The following APOOL variants were observed in gnomAD, a reference collection of about 807,000 sequenced individuals.
The protein encoded by APOOL is apolipoprotein O like, also known as MICOS complex subunit MIC27.
APOOL carries 12 observed loss-of-function variants against 23.1 expected under a neutral mutation model. The observed-to-expected ratio is 0.52, with a 90% CI of 0.33 to 0.84. APOOL has a LOEUF of 0.84. Ranked by LOEUF, APOOL falls within the 40% of genes least tolerant of loss-of-function variation. APOOL has a pLI of 0.02. For missense variants in APOOL, 212 were observed against 199.6 expected (o/e 1.06, Z -0.37); for synonymous variants, 77 against 69.9 (o/e 1.10, Z -0.51).
rs1365383521 is a variant in APOOL, at chrX:85,092,179, GATT to G, written c.*4504_*4506del. 5 of 341,514 alleles carry G rather than the reference GATT, an allele frequency of 1.5e-5. No individual in the cohort carries two copies. Among genetic ancestry groups the G allele is most frequent in the Non-Finnish European group, 2.5e-5 (5 of 199,375 alleles). The allele number at this position is 341,514 out of a possible 1,213,427, so 28.1% of individuals were successfully genotyped here. ...GACTTTTAAATTATCTGCTCTTTTGGATTATCACTACTGCTACTAGCCGTTAGA... is the reference window on the plus strand; with the variant it reads ...GACTTTTAAATTATCTGCTCTTTTGGATCACTACTGCTACTAGCCGTTAGA... On this transcript the variant is annotated 3_prime_UTR_variant, in exon 9 of 9. Transcript: ENST00000373173.
intron 6 of APOOL, among the ~76,000 whole-genome samples, chrX:85,070,590 G>C (rs1923630018): frequency 1.8e-5 from 2 of 111,444 alleles, no homozygotes; most frequent in African/African-American, 6.5e-5. Flanking sequence ...AATAAAGATT[G>C]AATATATTCA....
intron 1 of APOOL, among the ~76,000 whole-genome samples, chrX:85,006,524 G>C (rs771200535): frequency 9.3e-6 from 1 of 108,029 alleles, no homozygotes; most frequent in Non-Finnish European, 1.9e-5. Context: ...CTTGGAATGA[G>C]GGTAGCAAAT....
At chrX:85,036,561 G>A (rs1922223868) in intron 1 of APOOL, among the ~76,000 whole-genome samples, 1 of 111,693 alleles carries the variant, frequency 9.0e-6, no homozygotes, top group Admixed American at 9.5e-5. Flanking sequence ...CAAAGGGAAT[G>A]CTTCCAGATT....
intron 3 of APOOL, among the ~76,000 whole-genome samples, chrX:85,052,863 G>T (rs1266681076): frequency 3.6e-5 from 4 of 111,621 alleles, no homozygotes; most frequent in African/African-American, 6.5e-5. Context: ...TTTTTCTTCA[G>T]TGAGATAAAA....
At chrX:85,004,384 A>C (rs951643215) in intron 1 of APOOL, among the ~76,000 whole-genome samples, 1 of 112,224 alleles carries the variant, frequency 8.9e-6, no homozygotes, top group African/African-American at 3.2e-5. Context: ...ATAGTCTTTC[A>C]GCAGTGCGCT....
At chrX:85,032,682 T>C (rs1367690252) in intron 1 of APOOL, among the ~76,000 whole-genome samples, 1 of 111,876 alleles carries the variant, frequency 8.9e-6, no homozygotes, top group Non-Finnish European at 1.9e-5. Flanking sequence ...GAATGATTAA[T>C]ATGTTCAGAA....
At chrX:85,046,373 T>C in intron 1 of APOOL, 73 bp from the exon 2 acceptor site, 5 of 846,770 alleles carry the variant, frequency 5.9e-6, no homozygotes, top group Middle Eastern at 2.8e-4. Flanking sequence ...CTGAGATTCC[T>C]CCAGTATTTA....
intron 5 of APOOL, among the ~76,000 whole-genome samples, chrX:85,062,020 A>G (rs987189841): frequency 9.1e-6 from 1 of 109,973 alleles, no homozygotes; most frequent in Non-Finnish European, 1.9e-5. Flanking sequence ...GGCATTTAGT[A>G]CTATAAATTT....
At chrX:85,078,371 G>C (rs761726736) in intron 8 of APOOL, among the ~76,000 whole-genome samples, 9 of 111,176 alleles carry the variant, frequency 8.1e-5, no homozygotes, top group African/African-American at 2.3e-4. Context: ...TCTTGTTTTT[G>C]TCAGGTTTGT....
At chrX:85,055,385 C>G (rs1370940957) in intron 4 of APOOL, among the ~76,000 whole-genome samples, 2 of 111,437 alleles carry the variant, frequency 1.8e-5, no homozygotes, top group East Asian at 5.6e-4. Context: ...GGTCTAGTAG[C>G]TGTGTATATC....
At chrX:85,070,502 A>T (rs773031088) in intron 6 of APOOL, among the ~76,000 whole-genome samples, 1 of 111,954 alleles carries the variant, frequency 8.9e-6, no homozygotes, top group Non-Finnish European at 1.9e-5. Flanking sequence ...ATAATGTTTT[A>T]ACGCCTGTTT....
At position 85,074,015 on chromosome X, in the gene APOOL, A is replaced by G; in HGVS notation, c.504A>G (p.Val168=). The G allele has an allele frequency of 8.6e-6, 10 of 1,162,005 alleles. No individual in the cohort carries two copies. Among genetic ancestry groups the G allele is most frequent in the Non-Finnish European group, 9.2e-6 (8 of 870,669 alleles). The change falls in exon 7 of 9, where the codon GTA becomes GTG. Residue 168 remains valine, a synonymous_variant. Transcript: ENST00000373173. ...VIIAKVTAKK[V]YATSQQIFGA... is the part of the protein sequence containing the mutation. ...TTAATTAGGTAACAGCAAAAAAGGT[A>G]TATGCTACAAGCCAGCAAATTTTTG...
chrX:85,067,905 C>T (rs912207755), intron 6 of APOOL, among the ~76,000 whole-genome samples: 1 of 110,931 alleles, frequency 9.0e-6, no homozygotes, highest in East Asian at 2.8e-4. Context: ...TAGCATTTCC[C>T]CCTCATGCTT....
At chrX:85,060,563 G>T (rs1318576656) in intron 5 of APOOL, among the ~76,000 whole-genome samples, 2 of 110,437 alleles carry the variant, frequency 1.8e-5, no homozygotes, top group Non-Finnish European at 3.8e-5. Flanking sequence ...ATTGAGCAGT[G>T]GTTTGTAGTT....
In APOOL at chrX:85,005,780, A is replaced by C. The variant is rs1299618415; in HGVS notation, c.15+1853A>C. On this transcript the variant is annotated intron_variant, in intron 1 of 8. Transcript: ENST00000373173. ...AGAGTAAGGGGAGTTTCTTACCTGAAGAGAAGTACAAAGTGCTCTGACGCT... is the reference window on the plus strand; with the variant it reads ...AGAGTAAGGGGAGTTTCTTACCTGACGAGAAGTACAAAGTGCTCTGACGCT... Among the ~76,000 whole-genome samples the C allele has an allele frequency of 3.6e-5, 4 of 111,723 alleles. No individual in the cohort carries two copies. In the East Asian group the frequency reaches 1.1e-3, roughly 32 times the overall value.
At chrX:85,059,839 T>G (rs374891249) in intron 5 of APOOL, among the ~76,000 whole-genome samples, 1 of 110,340 alleles carries the variant, frequency 9.1e-6, no homozygotes, top group Non-Finnish European at 1.9e-5. Context: ...CCTGTTCACT[T>G]TGATGGTAGT....
chrX:85,008,535 T>TTGTTTGTGTGTGTGTGTG (rs1921156681), intron 1 of APOOL, among the ~76,000 whole-genome samples: 1 of 86,134 alleles, frequency 1.2e-5, no homozygotes, highest in Non-Finnish European at 2.2e-5. Flanking sequence ...TGATAACCCG[T>TTGTTTGTGTGTGTGTGTG]TGTGTGTGTG....
At chrX:85,022,888 A>G (rs1173445649) in intron 1 of APOOL, among the ~76,000 whole-genome samples, 1 of 111,689 alleles carries the variant, frequency 9.0e-6, no homozygotes, top group Non-Finnish European at 1.9e-5. Flanking sequence ...CTCATGGTAG[A>G]TGTTTGGGTC....
chrX:85,065,109 A>C (rs779711277), intron 5 of APOOL, among the ~76,000 whole-genome samples: 24 of 111,727 alleles, frequency 2.1e-4, no homozygotes, highest in African/African-American at 7.5e-4. Flanking sequence ...TTCTTGTTGA[A>C]TTGAGCCCTT....
Sources: allele counts gnomAD v4.1 joint callset (sites outside exome capture counted in the v4.1 genomes callset), GRCh38; gene constraint gnomAD v4.1.1; transcripts MANE v1.5; gene names NCBI Gene and HGNC (gene_info 2026-07-23, HGNC 2026-07-21).